Variants in BLK observed in about 807,000 individuals in gnomAD.
BLK encodes the protein BLK proto-oncogene, Src family tyrosine kinase, also known as tyrosine-protein kinase Blk.
In BLK, 64 loss-of-function variants were observed where a neutral mutation model predicts 61.8. The observed-to-expected ratio is 1.03, with a 90% CI of 0.85 to 1.27. The LOEUF is 1.27. Among genes scored for constraint, BLK ranks in the 50% most tolerant of loss-of-function variants. The pLI is 0.00. For missense variants in BLK, 853 were observed against 660.5 expected, an observed-to-expected ratio of 1.29 and a Z score of -3.19; for synonymous variants, 351 against 272.0, an observed-to-expected ratio of 1.29 and a Z score of -2.86.
At chr8:11,542,240 C>T in intron 1 of BLK, among the ~76,000 whole-genome samples, 1 of 152,176 alleles carries the variant, frequency 6.6e-6, no homozygotes, top group South Asian at 2.1e-4. Context: ...AAAGCATCCT[C>T]CATTGTGAGA....
At chr8:11,526,272 C>T (rs1799648527) in intron 1 of BLK, among the ~76,000 whole-genome samples, 1 of 152,176 alleles carries the variant, frequency 6.6e-6, no homozygotes, top group African/African-American at 2.4e-5. Flanking sequence ...TAGTGATTGG[C>T]TTTATGACTT....
At chr8:11,517,012 AT>A (rs2117312968) in intron 1 of BLK, among the ~76,000 whole-genome samples, 1 of 152,324 alleles carries the variant, frequency 6.6e-6, no homozygotes, top group East Asian at 1.9e-4. Flanking sequence ...AGGACTTTGA[AT>A]TTTACTCTGA....
intron 2 of BLK, 109 bp from the exon 3 acceptor site, chr8:11,545,943 C>A: frequency 8.6e-7 from 1 of 1,165,286 alleles, no homozygotes; most frequent in Non-Finnish European, 1.3e-6. Context: ...TCTCCTCCTT[C>A]AGTAGGTCCC....
chr8:11,542,809 C>G (rs190600922), intron 1 of BLK, among the ~76,000 whole-genome samples: 16 of 152,120 alleles, frequency 1.1e-4, no homozygotes, highest in Non-Finnish European at 1.9e-4. Context: ...GCTAATGGGT[C>G]GGAGAGAAAA....
In BLK at chr8:11,555,501, G is replaced by A. The variant is rs201698663; in HGVS notation, c.772+17G>A. The A allele has an allele frequency of 3.2e-4, 517 of 1,614,022 alleles. 1 individual carries two copies. In the African/African-American group the frequency reaches 6.2e-3, roughly 19 times the overall value. ...TCTGGATGGGTGAGTGTGTGCACAC[G>A]TGGGAGCATTTCTCCCCCCATTCCA... On this transcript the variant is annotated intron_variant, in intron 8 of 12. Coordinates refer to ENST00000259089, the MANE Select transcript of BLK (RefSeq NM_001715.3).
At chr8:11,507,007 C>T (rs544116589) in intron 1 of BLK, among the ~76,000 whole-genome samples, 7 of 152,276 alleles carry the variant, frequency 4.6e-5, no homozygotes, top group South Asian at 2.1e-4. Flanking sequence ...GGTTCAGGTG[C>T]GGGTAGGGAA....
chr8:11,558,856 C>T lies in BLK; in HGVS notation c.1029+818C>T, dbSNP rs551683569. ...ACATACAGCTGCCACCGAGAGGAAA[C>T]GCTCCCACCCACCGCCCACATCAGC... On this transcript the variant is annotated intron_variant, in intron 10 of 12. Transcript: ENST00000259089. 8.3e-5 allele frequency: 38 copies of T among 455,782 alleles called. No individual in the cohort carries two copies. The East Asian group carries it at 1.7e-3, about 20-fold the overall frequency. 28.2% of individuals were successfully genotyped at this position (455,782 alleles called of 1,614,324 possible). A position where few individuals can be genotyped will look rare whatever the true frequency, so the allele number is the denominator to read the frequency against.
chr8:11,513,796 T>A (rs1358342026), intron 1 of BLK, among the ~76,000 whole-genome samples: 1 of 152,170 alleles, frequency 6.6e-6, no homozygotes, highest in East Asian at 1.9e-4. Flanking sequence ...GTGATTTAAG[T>A]GTGGTTGGCG....
At chr8:11,542,427 G>A (rs1248273573) in intron 1 of BLK, among the ~76,000 whole-genome samples, 1 of 152,194 alleles carries the variant, frequency 6.6e-6, no homozygotes, top group African/African-American at 2.4e-5. Context: ...CGATGTAAGT[G>A]CAGGAGTGCA....
intron 1 of BLK, among the ~76,000 whole-genome samples, chr8:11,534,203 G>A (rs981665704): frequency 6.6e-6 from 1 of 152,182 alleles, no homozygotes; most frequent in African/African-American, 2.4e-5. Context: ...GGGAAGTAAT[G>A]ACCCATGATT....
chr8:11,516,749 C>T (rs1051730612), intron 1 of BLK, among the ~76,000 whole-genome samples: 1 of 152,332 alleles, frequency 6.6e-6, no homozygotes, highest in Admixed American at 6.5e-5. Context: ...CATGTTGTAG[C>T]ATGTGCCAGA....
intron 2 of BLK, among the ~76,000 whole-genome samples, chr8:11,544,742 GT>G (rs1800546445): frequency 6.6e-6 from 1 of 152,142 alleles, no homozygotes; most frequent in Non-Finnish European, 1.5e-5. Context: ...CATTTCATGT[GT>G]TCCTATTTTT....
At chr8:11,513,051 A>G (rs1353237465) in intron 1 of BLK, among the ~76,000 whole-genome samples, 2 of 152,218 alleles carry the variant, frequency 1.3e-5, no homozygotes, top group Non-Finnish European at 2.9e-5. Context: ...GTCTGAAGCA[A>G]GAGTCTCTTG....
rs1801616479 is a variant in BLK at position 11,564,085 on chromosome 8, C to CGGCA, written c.1497_1500dup (p.Tyr501AlafsTer?). 1 of 1,586,400 alleles carries CGGCA rather than the reference C, an allele frequency of 6.3e-7. No individual in the cohort carries two copies. Among genetic ancestry groups the CGGCA allele is most frequent in the Admixed American group, 1.7e-5 (1 of 57,784 alleles). On this transcript the variant is annotated frameshift_variant, in exon 13 of 13. Transcript: ENST00000259089. LOFTEE classifies it high-confidence loss of function. ...GGAGGACTTCTACACGGCCACCGAGCGGCAGTACGAGCTGCAGCCCTAGCC... is the reference window on the plus strand; with the variant it reads ...GGAGGACTTCTACACGGCCACCGAGCGGCAGGCAGTACGAGCTGCAGCCCTAGCC...
At position 11,557,964 on chromosome 8, in the gene BLK, T is replaced by C. The variant is rs1801312741; in HGVS notation, c.955T>C (p.Cys319Arg). 6.2e-7 allele frequency: 1 copy of C among 1,613,926 alleles called. No individual in the cohort carries two copies. The highest frequency in any genetic ancestry group is 1.3e-5 in the African/African-American group (1 of 75,050). The change falls in exon 10 of 13, where the codon TGC becomes CGC. Residue 319 changes from cysteine to arginine, a missense_variant and splice_region_variant. Cys to Arg is a radical substitution (Grantham distance 180, BLOSUM62 -3). Coordinates refer to ENST00000259089, the MANE Select transcript of BLK (RefSeq NM_001715.3). ...ACTTGCAACTTCTCTTTTCTTAGGA[T>C]GCCTGCTGGATTTCCTGAAGACAGA... Reference protein sequence around the residue: ...YIVTEYMARGCLLDFLKTDEG... With the variant: ...YIVTEYMARGRLLDFLKTDEG...
At chr8:11,539,815 A>C (rs1198578899) in intron 1 of BLK, among the ~76,000 whole-genome samples, 1 of 152,174 alleles carries the variant, frequency 6.6e-6, no homozygotes, top group Non-Finnish European at 1.5e-5. Flanking sequence ...AATTATAACA[A>C]ACATTTTACT....
Position 11,564,289 on chromosome 8 carries a change from C to T in BLK, c.*181C>T, listed in dbSNP as rs2117614592. ...ACGGACTCCTTCACCGACTGCACCC[C>T]CGGGCGAGTTACGCGGCCTCTCTGT... On this transcript the variant is annotated 3_prime_UTR_variant, in exon 13 of 13. Transcript: ENST00000259089. The T allele has an allele frequency of 2.6e-6, 2 of 766,934 alleles. No individual in the cohort carries two copies. Among genetic ancestry groups the T allele is most frequent in the Non-Finnish European group, 4.5e-6 (2 of 446,558 alleles). 47.5% of individuals were successfully genotyped at this position (766,934 alleles called of 1,614,324 possible). A position where few individuals can be genotyped will look rare whatever the true frequency, so the allele number is the denominator to read the frequency against.
intron 1 of BLK, among the ~76,000 whole-genome samples, chr8:11,494,980 A>C (rs1798311316): frequency 1.3e-5 from 2 of 152,178 alleles, no homozygotes; most frequent in African/African-American, 4.8e-5. Context: ...GAGCTGACAG[A>C]GGTTAGTGGT....
rs141842501 is a variant in BLK at position 11,528,115 on chromosome 8, C to A, written c.-1-15109C>A. Among the ~76,000 whole-genome samples, 195 of 152,270 alleles carry A rather than the reference C, an allele frequency of 1.3e-3. 1 individual carries two copies. The highest frequency in any genetic ancestry group is 4.3e-3 in the African/African-American group (177 of 41,554). ...TCAATGGCGTGATCTCAGCTCACTG[C>A]AATCTCTGCCTCCCAGGCTCAGGTG... On this transcript the variant is annotated intron_variant, in intron 1 of 12. Transcript: ENST00000259089.
Sources: gnomAD v4.1 joint callset for allele counts (sites outside exome capture counted in the v4.1 genomes callset) on GRCh38, gnomAD v4.1.1 for gene constraint, MANE v1.5 for transcripts, NCBI Gene and HGNC (gene_info 2026-07-23, HGNC 2026-07-21) for gene names.